ANO3: variants seen among roughly 807,000 people sequenced by gnomAD.
The protein encoded by ANO3 is anoctamin-3.
A neutral mutation model predicts 144.8 loss-of-function variants in ANO3; 99 were observed. The ratio of observed to expected loss-of-function variants is 0.68; its 90% CI spans 0.58 to 0.81. ANO3 has a LOEUF of 0.81. Among genes scored for constraint, ANO3 ranks in the 30% least tolerant of loss-of-function variants. The probability of loss-of-function intolerance (pLI) is 0.00; values close to 1 mark genes in which losing one functional copy is unlikely to be tolerated. For synonymous variants in ANO3, 414 were observed against 392.6 expected (o/e 1.05, Z -0.64); for missense variants, 905 against 1,202.2 (o/e 0.75, Z 3.66).
chr11:26,442,062 C>A lies in ANO3; in HGVS notation c.191C>A (p.Ser64Tyr), dbSNP rs775262252. 6.2e-7 allele frequency: 1 copy of A among 1,614,054 alleles called. No homozygotes were observed. The highest frequency in any genetic ancestry group is 1.3e-5 in the African/African-American group (1 of 74,940). The change falls in exon 2 of 27, where the codon TCT becomes TAT. Residue 64 changes from serine (S) to tyrosine (Y), a missense_variant. Physicochemically the swap from Ser to Tyr is moderately radical, Grantham distance 144 (BLOSUM62 -2). Coordinates refer to ENST00000256737, the MANE Select transcript of ANO3 (RefSeq NM_031418.4). The stretch of plus-strand genomic sequence containing the variant: ...CTCTTCCAGTCAACCGAGAGTGAAT[C>A]TCAGGCTCCCACATCTATAACCTTA... ...TSLFQSTESE[S>Y]QAPTSITLIS...
At chr11:26,645,455 G>A (rs1447853420) in intron 23 of ANO3, among the ~76,000 whole-genome samples, 1 of 151,468 alleles carries the variant, frequency 6.6e-6, no homozygotes, top group Non-Finnish European at 1.5e-5. Flanking sequence ...GTCTTTTTTT[G>A]GGAGGGGAGA....
intron 1 of ANO3, among the ~76,000 whole-genome samples, chr11:26,216,296 A>T (rs1852034672): frequency 2.0e-5 from 3 of 151,986 alleles, no homozygotes; most frequent in Admixed American, 6.6e-5. Context: ...TTGAATATCC[A>T]CTGGGCTTCA....
intron 1 of ANO3, among the ~76,000 whole-genome samples, chr11:26,321,509 A>T (rs1188801524): frequency 1.3e-5 from 2 of 151,988 alleles, no homozygotes; most frequent in African/African-American, 4.8e-5. Flanking sequence ...CTGTCTTCTG[A>T]TTTGTTTTTT....
intron 14 of ANO3, chr11:26,565,122 T>G: frequency 6.7e-7 from 1 of 1,483,638 alleles, no homozygotes; most frequent in Non-Finnish European, 9.0e-7. Flanking sequence ...TATTTGGAAT[T>G]TCAGTTTCAC....
chr11:26,332,174 C>T lies in ANO3; in HGVS notation c.-102C>T. The T allele has an allele frequency of 1.4e-5, 23 of 1,604,024 alleles. No individual in the cohort carries two copies. Among genetic ancestry groups the T allele is most frequent in the East Asian group, 2.2e-5 (1 of 44,748 alleles). On this transcript the variant is annotated 5_prime_UTR_variant, in exon 1 of 27. Coordinates refer to ENST00000256737, the MANE Select transcript of ANO3 (RefSeq NM_031418.4). ...ACAGCAGGTGTCGGATTGCAGTGCG[C>T]TCGCTGAGGCTCCGGACCTTGGAGC...
chr11:26,242,749 G>A (rs905083214), intron 1 of ANO3, among the ~76,000 whole-genome samples: 14 of 152,074 alleles, frequency 9.2e-5, no homozygotes, highest in Admixed American at 5.2e-4. Flanking sequence ...TTCTCATCCC[G>A]AAAGTGTGCA....
chr11:26,255,517 A>G (rs1853037029), intron 1 of ANO3, among the ~76,000 whole-genome samples: 1 of 152,158 alleles, frequency 6.6e-6, no homozygotes, highest in South Asian at 2.1e-4. Context: ...ATACATTTTC[A>G]GATAGTACTA....
At chr11:26,442,379 G>A (rs1565027413) in intron 2 of ANO3, among the ~76,000 whole-genome samples, 1 of 152,154 alleles carries the variant, frequency 6.6e-6, no homozygotes, top group Non-Finnish European at 1.5e-5. Context: ...GGTACATTTG[G>A]CCACTGTTTG....
chr11:26,341,722 A>G (rs1855364859), intron 1 of ANO3, among the ~76,000 whole-genome samples: 1 of 152,196 alleles, frequency 6.6e-6, no homozygotes, highest in South Asian at 2.1e-4. Context: ...GATCAGTCCG[A>G]GTCCCAAAAC....
intron 14 of ANO3, among the ~76,000 whole-genome samples, chr11:26,564,973 A>G (rs1850508009): frequency 6.6e-6 from 1 of 150,890 alleles, no homozygotes; most frequent in Non-Finnish European, 1.5e-5. Flanking sequence ...TGACTAGTAT[A>G]TGTTCATTGA....
intron 1 of ANO3, among the ~76,000 whole-genome samples, chr11:26,364,052 T>C (rs536888509): frequency 6.6e-6 from 1 of 152,340 alleles, no homozygotes; most frequent in East Asian, 1.9e-4. Context: ...ATAGGTTGAC[T>C]GGCAGAAACT....
At chr11:26,563,269 C>T in intron 14 of ANO3, 2 of 1,583,186 alleles carry the variant, frequency 1.3e-6, no homozygotes, top group Non-Finnish European at 1.7e-6. Context: ...CTATTTTCTA[C>T]AGGACAAAAA....
intron 14 of ANO3, chr11:26,565,854 A>G: frequency 6.2e-7 from 1 of 1,610,004 alleles, no homozygotes; most frequent in Non-Finnish European, 8.5e-7. Context: ...GGCTAAGGCC[A>G]ACATTGTAGG....
chr11:26,456,518 C>T (rs1859166770), intron 3 of ANO3, among the ~76,000 whole-genome samples: 1 of 146,516 alleles, frequency 6.8e-6, no homozygotes, highest in South Asian at 2.2e-4. Context: ...ATCAAAACCA[C>T]AATGAGATAT....
intron 1 of ANO3, among the ~76,000 whole-genome samples, chr11:26,405,049 T>C (rs1430148548): frequency 4.0e-5 from 6 of 151,554 alleles, no homozygotes; most frequent in South Asian, 2.1e-4. Flanking sequence ...GTAGCCATTA[T>C]ATGGTACTGC....
At chr11:26,204,819 C>G (rs1851766123) in intron 1 of ANO3, among the ~76,000 whole-genome samples, 2 of 152,166 alleles carry the variant, frequency 1.3e-5, no homozygotes. Context: ...CAGATGTGTG[C>G]TTCATGTTCT....
intron 1 of ANO3, among the ~76,000 whole-genome samples, chr11:26,283,321 A>ATATATATATATATAT (rs1853722376): frequency 3.3e-4 from 16 of 49,090 alleles, no homozygotes; most frequent in Non-Finnish European, 4.9e-4. Flanking sequence ...CAAATAAATA[A>ATATATATATATATAT]ATATATATAT....
intron 1 of ANO3, among the ~76,000 whole-genome samples, chr11:26,230,943 A>ATC (rs1852384427): frequency 7.6e-6 from 1 of 130,956 alleles, no homozygotes; most frequent in Non-Finnish European, 1.5e-5. Flanking sequence ...CCCCAGCTGG[A>ATC]TCTCGGCTCA....
intron 21 of ANO3, among the ~76,000 whole-genome samples, chr11:26,640,074 G>A (rs1417035216): frequency 6.6e-6 from 1 of 152,104 alleles, no homozygotes; most frequent in East Asian, 1.9e-4. Flanking sequence ...AGATCTGGGG[G>A]TTGTAGAAGT....
Sources: gnomAD v4.1 joint callset for allele counts (sites outside exome capture counted in the v4.1 genomes callset) on GRCh38, gnomAD v4.1.1 for gene constraint, MANE v1.5 for transcripts, NCBI Gene and HGNC (gene_info 2026-07-23, HGNC 2026-07-21) for gene names.